The following CLNK variants were observed in gnomAD, a reference collection of about 807,000 sequenced individuals.
The protein encoded by CLNK is cytokine dependent hematopoietic cell linker, also known as cytokine-dependent hematopoietic cell linker.
CLNK carries 74 observed loss-of-function variants against 68.6 expected under a neutral mutation model. The observed-to-expected ratio is 1.08, with a 90% CI of 0.89 to 1.31. The LOEUF is 1.31. Ranked by LOEUF, CLNK falls within the 50% of genes most tolerant of loss-of-function variation. CLNK has a pLI of 0.00. For synonymous variants in CLNK, 198 were observed against 172.2 expected (o/e 1.15, Z -1.17); for missense variants, 553 against 515.3 (o/e 1.07, Z -0.71).
At chr4:10,539,844 T>G (rs2108807788) in intron 11 of CLNK, among the ~76,000 whole-genome samples, 1 of 152,326 alleles carries the variant, frequency 6.6e-6, no homozygotes, top group South Asian at 2.1e-4. Flanking sequence ...ATAATCTGAA[T>G]CCCCTTTCAG....
chr4:10,589,326 T>C (rs1721099786), intron 3 of CLNK, among the ~76,000 whole-genome samples: 1 of 152,132 alleles, frequency 6.6e-6, no homozygotes. Context: ...TACAAGCCTA[T>C]AGCAGCAACG....
chr4:10,641,049 A>G (rs571652192), intron 2 of CLNK, among the ~76,000 whole-genome samples: 7 of 151,948 alleles, frequency 4.6e-5, no homozygotes, highest in Admixed American at 2.0e-4. Context: ...ATTGGATCAG[A>G]ATGTAGGATT....
At chr4:10,579,815 C>A (rs1720709496) in intron 4 of CLNK, among the ~76,000 whole-genome samples, 1 of 152,156 alleles carries the variant, frequency 6.6e-6, no homozygotes, top group Non-Finnish European at 1.5e-5. Context: ...GTGTAGAACA[C>A]CATGGTGCCT....
chr4:10,633,460 G>A (rs754052091), intron 2 of CLNK, among the ~76,000 whole-genome samples: 13 of 152,202 alleles, frequency 8.5e-5, no homozygotes, highest in African/African-American at 2.2e-4. Flanking sequence ...ATAGGTTAAC[G>A]CTTCATCTAC....
In CLNK at chr4:10,490,456, C is replaced by G; in HGVS notation, c.*11G>C. On this transcript the variant is annotated 3_prime_UTR_variant, in exon 19 of 19. Coordinates refer to ENST00000226951, the MANE Select transcript of CLNK (RefSeq NM_052964.4). The stretch of plus-strand genomic sequence containing the variant: ...TGAATCCAGTAAACCAAAGATAACA[C>G]AAAGACCAGGCTACAGAGGCAAGAG... 7 of 1,611,246 alleles carry G rather than the reference C, an allele frequency of 4.3e-6. No homozygotes were observed. The highest frequency in any genetic ancestry group is 5.9e-6 in the Non-Finnish European group (7 of 1,179,088).
chr4:10,704,216 C>A, the CLNK span, among the ~76,000 whole-genome samples: 1 of 152,086 alleles, frequency 6.6e-6, no homozygotes. Context: ...GACCCTAAGT[C>A]GTTGCAATCC....
Position 10,616,850 on chromosome 4 carries a change from G to A in CLNK, c.12-18801C>T, listed in dbSNP as rs1722256575. On this transcript the variant is annotated intron_variant, in intron 2 of 18. Transcript: ENST00000226951. Reference sequence around the variant, plus strand: ...CACGCATTTTTTTTTCTAGAGAATTGTTCAACATTTACTAAAATTTGCCAG... The same window carrying A: ...CACGCATTTTTTTTTCTAGAGAATTATTCAACATTTACTAAAATTTGCCAG... 2.2e-5 allele frequency among the ~76,000 whole-genome samples: 3 copies of A among 137,680 alleles called. No individual in the cohort carries two copies. The Admixed American group carries it at 2.2e-4, about 10-fold the overall frequency. 90.3% of individuals were successfully genotyped at this position (137,680 alleles called of 152,430 possible).
chr4:10,650,384 A>G (rs1255933689), intron 2 of CLNK, among the ~76,000 whole-genome samples: 5 of 152,128 alleles, frequency 3.3e-5, no homozygotes, highest in Non-Finnish European at 5.9e-5. Context: ...ACAACAAAAT[A>G]GAGAATCAGG....
chr4:10,507,169 T>C (rs969276276), intron 17 of CLNK, among the ~76,000 whole-genome samples: 1 of 151,980 alleles, frequency 6.6e-6, no homozygotes, highest in Non-Finnish European at 1.5e-5. Context: ...TGGAGTGCAG[T>C]GGCACAATCT....
intron 3 of CLNK, 46 bp downstream of exon 3, chr4:10,597,932 A>G (rs745516809): frequency 2.3e-6 from 3 of 1,308,556 alleles, no homozygotes; most frequent in Non-Finnish European, 3.2e-6. Flanking sequence ...TTGCTACAGA[A>G]TTAAAATTTT....
rs1030988784 is a variant in CLNK, at chr4:10,499,525, G to C, written c.1140+1731C>G. On this transcript the variant is annotated intron_variant, in intron 18 of 18. Coordinates refer to ENST00000226951, the MANE Select transcript of CLNK (RefSeq NM_052964.4). The stretch of plus-strand genomic sequence containing the variant: ...TTAAGCTGGAATCTTTATGCAGCCT[G>C]CGCATCGATTTCACACGTGTGCCTA... 3.3e-5 allele frequency among the ~76,000 whole-genome samples: 5 copies of C among 152,164 alleles called. No homozygotes were observed. In the South Asian group the frequency reaches 1.0e-3, roughly 31 times the overall value.
chr4:10,503,970 A>G (rs1252212997), intron 17 of CLNK, among the ~76,000 whole-genome samples: 1 of 150,286 alleles, frequency 6.7e-6, no homozygotes, highest in Non-Finnish European at 1.5e-5. Context: ...CTTTGTAGAG[A>G]CGGGGTTTCA....
At chr4:10,592,071 C>T (rs1448829780) in intron 3 of CLNK, among the ~76,000 whole-genome samples, 1 of 152,214 alleles carries the variant, frequency 6.6e-6, no homozygotes, top group Admixed American at 6.5e-5. Context: ...GTCTGGTCTC[C>T]TCCCTCCTCT....
In CLNK at chr4:10,487,560, G is replaced by A. The variant is rs541275726; in HGVS notation, c.*2907C>T. 6.6e-6 allele frequency: 1 copy of A among 152,124 alleles called. No individual in the cohort carries two copies. The highest frequency in any genetic ancestry group is 1.5e-5 in the Non-Finnish European group (1 of 68,024). The allele number at this position is 152,124 out of a possible 1,614,324, so 9.4% of individuals were successfully genotyped here. A position where few individuals can be genotyped will look rare whatever the true frequency, so the allele number is the denominator to read the frequency against. Reference sequence around the variant, plus strand: ...GAGTCTCCATTGAAATAACTTGCTGGCCAGCAAGTTAGTGGACAGCGTCCA... The same window carrying A: ...GAGTCTCCATTGAAATAACTTGCTGACCAGCAAGTTAGTGGACAGCGTCCA... On this transcript the variant is annotated 3_prime_UTR_variant, in exon 19 of 19. Coordinates refer to ENST00000226951, the MANE Select transcript of CLNK (RefSeq NM_052964.4).
At chr4:10,675,482 A>C (rs1257890742) in intron 1 of CLNK, among the ~76,000 whole-genome samples, 1 of 152,218 alleles carries the variant, frequency 6.6e-6, no homozygotes, top group Non-Finnish European at 1.5e-5. Flanking sequence ...GTTACCCTTG[A>C]GAACTCTTGT....
At chr4:10,567,303 T>C (rs1720161135) in intron 5 of CLNK, among the ~76,000 whole-genome samples, 1 of 152,146 alleles carries the variant, frequency 6.6e-6, no homozygotes, top group Non-Finnish European at 1.5e-5. Flanking sequence ...GTTAATTGAT[T>C]TTTAAGAAGT....
chr4:10,526,535 C>CT (rs1420177555), intron 13 of CLNK, among the ~76,000 whole-genome samples: 1 of 152,136 alleles, frequency 6.6e-6, no homozygotes, highest in African/African-American at 2.4e-5. Flanking sequence ...GAGCTGAGAT[C>CT]TTAAGAAGAA....
the CLNK span, among the ~76,000 whole-genome samples, chr4:10,734,059 A>G: frequency 3.9e-5 from 6 of 152,318 alleles, no homozygotes; most frequent in South Asian, 1.2e-3. Context: ...CTACTCAATA[A>G]GCATCTACTA....
the CLNK span, among the ~76,000 whole-genome samples, chr4:10,719,189 C>T: frequency 6.6e-6 from 1 of 151,574 alleles, no homozygotes; most frequent in South Asian, 2.1e-4. Context: ...AATCTTAAGC[C>T]CTAACGTATC....
Sources: gnomAD v4.1 joint callset for allele counts (sites outside exome capture counted in the v4.1 genomes callset) on GRCh38, gnomAD v4.1.1 for gene constraint, MANE v1.5 for transcripts, NCBI Gene and HGNC (gene_info 2026-07-23, HGNC 2026-07-21) for gene names.